ADAM19: variants seen among roughly 807,000 people sequenced by gnomAD.
ADAM19 encodes disintegrin and metalloproteinase domain-containing protein 19.
Under a neutral mutation model 114.7 loss-of-function variants are expected in ADAM19, and 65 were observed. That is an observed-to-expected ratio of 0.57 (90% CI 0.46 to 0.70). ADAM19 has a LOEUF of 0.70. Ranked by LOEUF, ADAM19 falls within the 30% of genes least tolerant of loss-of-function variation. ADAM19 has a pLI of 0.00. For synonymous variants in ADAM19, 466 were observed against 460.5 expected (o/e 1.01, Z -0.15); for missense variants, 1,063 against 1,204.7 (o/e 0.88, Z 1.74).
At chr5:157,571,723 G>A (rs1423159263) in intron 1 of ADAM19, among the ~76,000 whole-genome samples, 1 of 152,176 alleles carries the variant, frequency 6.6e-6, no homozygotes, top group Non-Finnish European at 1.5e-5. Flanking sequence ...GAGATATGCT[G>A]GAGCCCTGGT....
chr5:157,478,940 G>A lies in ADAM19; in HGVS notation c.*2009C>T, dbSNP rs754955683. 43 of 985,658 alleles carry A rather than the reference G, an allele frequency of 4.4e-5. No individual in the cohort carries two copies. Among genetic ancestry groups the A allele is most frequent in the Non-Finnish European group, 4.9e-5 (41 of 829,948 alleles). 61.1% of individuals were successfully genotyped at this position (985,658 alleles called of 1,614,324 possible). A position where few individuals can be genotyped will look rare whatever the true frequency, so the allele number is the denominator to read the frequency against. On this transcript the variant is annotated 3_prime_UTR_variant, in exon 23 of 23. Transcript: ENST00000257527. Reference sequence around the variant, plus strand: ...AGAAAGGCTGGAGAAGCCACAGGAAGCTCTGTGAGGCATGGGGTTGGGTTT... The same window carrying A: ...AGAAAGGCTGGAGAAGCCACAGGAAACTCTGTGAGGCATGGGGTTGGGTTT...
intron 12 of ADAM19, among the ~76,000 whole-genome samples, chr5:157,500,241 A>G (rs1755518477): frequency 6.6e-6 from 1 of 152,148 alleles, no homozygotes; most frequent in African/African-American, 2.4e-5. Context: ...GGTTCAAGCA[A>G]TTCTCATGCC....
chr5:157,487,238 C>A (rs998812657), intron 21 of ADAM19, among the ~76,000 whole-genome samples: 1 of 152,154 alleles, frequency 6.6e-6, no homozygotes, highest in Non-Finnish European at 1.5e-5. Context: ...CCCTGTCAAT[C>A]TTTCCTCTCT....
At chr5:157,510,483 AAAAAT>A (rs1227380802) in intron 8 of ADAM19, among the ~76,000 whole-genome samples, 2 of 152,252 alleles carry the variant, frequency 1.3e-5, no homozygotes, top group African/African-American at 2.4e-5. Context: ...AAAAAAAAAT[AAAAAT>A]AAAATAAAGC....
chr5:157,534,329 G>T (rs140616573), intron 4 of ADAM19, among the ~76,000 whole-genome samples: 26 of 152,054 alleles, frequency 1.7e-4, no homozygotes, highest in Non-Finnish European at 1.5e-5. Flanking sequence ...TTAGCCAGGC[G>T]TGATGGCGGG....
rs1399004533 is a variant in ADAM19, at chr5:157,477,493, T to G, written c.*3456A>C. On this transcript the variant is annotated 3_prime_UTR_variant, in exon 23 of 23. Coordinates refer to ENST00000257527, the MANE Select transcript of ADAM19 (RefSeq NM_033274.5). ...AAAAGAAAATTCACATTGCCCTGGATCCCAGACACATACAAACGCACAGTG... is the reference window on the plus strand; with the variant it reads ...AAAAGAAAATTCACATTGCCCTGGAGCCCAGACACATACAAACGCACAGTG... 1 of 1,086,976 alleles carries G rather than the reference T, an allele frequency of 9.2e-7. No homozygotes were observed. Among genetic ancestry groups the G allele is most frequent in the African/African-American group, 1.6e-5 (1 of 60,924 alleles). The allele number at this position is 1,086,976 out of a possible 1,614,324, so 67.3% of individuals were successfully genotyped here.
intron 7 of ADAM19, among the ~76,000 whole-genome samples, chr5:157,514,345 T>C (rs1226211362): frequency 4.0e-5 from 6 of 151,792 alleles, no homozygotes; most frequent in African/African-American, 1.2e-4. Context: ...TTTTTTTTTT[T>C]TGAGACAGAG....
At chr5:157,518,744 T>TC in intron 7 of ADAM19, 79 bp downstream of exon 7, 5 of 1,133,940 alleles carry the variant, frequency 4.4e-6, no homozygotes, top group Non-Finnish European at 6.7e-6. Flanking sequence ...GGGCAACATT[T>TC]CCCCAAAGCA....
At chr5:157,560,257 T>A in intron 3 of ADAM19, among the ~76,000 whole-genome samples, 2 of 88,496 alleles carry the variant, frequency 2.3e-5, no homozygotes, top group Non-Finnish European at 1.9e-5. Flanking sequence ...AGAGCGAGAC[T>A]CCGTCTCAAA....
In ADAM19 at chr5:157,526,947, A is replaced by G. The variant is rs532569901; in HGVS notation, c.407+3860T>C. On this transcript the variant is annotated intron_variant, in intron 5 of 22. Transcript: ENST00000257527. Reference sequence around the variant, plus strand: ...ATTGGTGTCATTTATAAGTACCCATAGCTTCCAATCAATTCTCAAAGGGTC... The same window carrying G: ...ATTGGTGTCATTTATAAGTACCCATGGCTTCCAATCAATTCTCAAAGGGTC... 3.9e-5 allele frequency among the ~76,000 whole-genome samples: 6 copies of G among 152,232 alleles called. No individual in the cohort carries two copies. The East Asian group carries it at 7.7e-4, about 20-fold the overall frequency.
intron 9 of ADAM19, among the ~76,000 whole-genome samples, chr5:157,508,549 G>A (rs916072966): frequency 3.3e-5 from 5 of 151,606 alleles, no homozygotes; most frequent in Admixed American, 2.0e-4. Context: ...GCAGTGAGCC[G>A]AGATCACGCT....
chr5:157,507,228 T>A lies in ADAM19; in HGVS notation c.906-88A>T. 3.0e-6 allele frequency: 4 copies of A among 1,332,236 alleles called. No individual in the cohort carries two copies. The South Asian group carries it at 4.8e-5, about 16-fold the overall frequency. 82.5% of individuals were successfully genotyped at this position (1,332,236 alleles called of 1,614,324 possible). On this transcript the variant is annotated intron_variant, in intron 9 of 22. Coordinates refer to ENST00000257527, the MANE Select transcript of ADAM19 (RefSeq NM_033274.5). ...TGGGAGTAAGTGGCCATCACGGGGT[T>A]CCCTGGACCCGCTGACTTTCCCAGG...
chr5:157,503,908 C>T lies in ADAM19; in HGVS notation c.1131-928G>A, dbSNP rs546775185. 5.1e-4 allele frequency among the ~76,000 whole-genome samples: 77 copies of T among 152,250 alleles called. 1 individual carries two copies. The South Asian group carries it at 0.015, about 30-fold the overall frequency. ...GGAGTATGGAAGGTCCTGGGTCCCA[C>T]CATTGGTGAAAAGGACAAATAGTAC... On this transcript the variant is annotated intron_variant, in intron 11 of 22. Transcript: ENST00000257527.
Position 157,478,976 on chromosome 5 carries a change from G to C in ADAM19, c.*1973C>G, listed in dbSNP as rs929166994. On this transcript the variant is annotated 3_prime_UTR_variant, in exon 23 of 23. Transcript: ENST00000257527. ...CATGGGGTTGGGTTTTGAGGATGTT[G>C]CTTGTTTGTTTTGCAGAGGGGTGAA... is the stretch of plus-strand genomic sequence containing the variant. 6.1e-6 allele frequency: 6 copies of C among 985,612 alleles called. No homozygotes were observed. Among genetic ancestry groups the C allele is most frequent in the Non-Finnish European group, 7.2e-6 (6 of 829,946 alleles). The allele number at this position is 985,612 out of a possible 1,614,324, so 61.1% of individuals were successfully genotyped here.
Position 157,494,704 on chromosome 5 carries a change from G to A in ADAM19, c.1686C>T (p.His562=). 6.2e-7 allele frequency: 1 copy of A among 1,613,464 alleles called. No individual in the cohort carries two copies. The highest frequency in any genetic ancestry group is 1.7e-5 in the Admixed American group (1 of 60,014). The stretch of plus-strand genomic sequence containing the variant: ...GTCATCACCTCATGTTGCACTTCCT[G>A]TGTTCACCATTCATGTCCTTTCCAC... ...GNCGKDMNGE[H]RKCNMRDAKC... The change falls in exon 15 of 23, where the codon CAC becomes CAT. Residue 562 remains histidine (H), a synonymous_variant. Transcript: ENST00000257527.
At chr5:157,488,749 C>T (rs527352165) in intron 20 of ADAM19, among the ~76,000 whole-genome samples, 10 of 152,212 alleles carry the variant, frequency 6.6e-5, no homozygotes, top group South Asian at 2.1e-4. Context: ...CACAGCATGG[C>T]GGCCGGGCAT....
intron 7 of ADAM19, among the ~76,000 whole-genome samples, chr5:157,516,955 C>A (rs1324360949): frequency 6.6e-6 from 1 of 152,078 alleles, no homozygotes; most frequent in East Asian, 1.9e-4. Context: ...CACACACACA[C>A]ACACACAAAC....
chr5:157,487,341 A>G (rs1754974441), intron 21 of ADAM19, among the ~76,000 whole-genome samples: 1 of 152,178 alleles, frequency 6.6e-6, no homozygotes, highest in African/African-American at 2.4e-5. Context: ...GGATGCCCTC[A>G]GCCTTCCCAA....
intron 13 of ADAM19, among the ~76,000 whole-genome samples, chr5:157,499,086 C>A (rs1255040766): frequency 6.6e-6 from 1 of 152,166 alleles, no homozygotes; most frequent in African/African-American, 2.4e-5. Context: ...TCCTGACTGC[C>A]TGATTCCAGA....
Sources: gnomAD v4.1 joint callset for allele counts (sites outside exome capture counted in the v4.1 genomes callset) on GRCh38, gnomAD v4.1.1 for gene constraint, MANE v1.5 for transcripts, NCBI Gene and HGNC (gene_info 2026-07-23, HGNC 2026-07-21) for gene names.